The following NGLY1 variants were observed in gnomAD, a reference collection of about 807,000 sequenced individuals.
NGLY1 encodes the protein peptide-N(4)-(N-acetyl-beta-glucosaminyl)asparagine amidase.
A neutral mutation model predicts 84.6 loss-of-function variants in NGLY1; 68 were observed. That is an observed-to-expected ratio of 0.80 (90% CI 0.66 to 0.98). NGLY1 has a LOEUF of 0.98. Among genes scored for constraint, NGLY1 ranks in the 50% least tolerant of loss-of-function variants. The pLI, the probability that NGLY1 is intolerant of heterozygous loss-of-function variation, is 0.00. For missense variants in NGLY1, 779 were observed against 770.2 expected (o/e 1.01, Z -0.14); for synonymous variants, 280 against 275.2 (o/e 1.02, Z -0.17).
At chr3:25,754,970 G>A (rs760580143) in intron 3 of NGLY1, 3 of 765,974 alleles carry the variant, frequency 3.9e-6, no homozygotes, top group Admixed American at 3.5e-5. Context: ...TCCTAGGGAT[G>A]CCTTGGTGAT....
chr3:25,719,845 C>A (rs1704890515), intron 11 of NGLY1, among the ~76,000 whole-genome samples, 169 bp downstream of exon 11: 1 of 151,338 alleles, frequency 6.6e-6, no homozygotes, highest in Non-Finnish European at 1.5e-5. Context: ...AAAACATCAG[C>A]CTTTCTGTTA....
chr3:25,760,085 A>G (rs561980576), intron 3 of NGLY1, among the ~76,000 whole-genome samples: 19 of 152,258 alleles, frequency 1.2e-4, no homozygotes, highest in Non-Finnish European at 2.6e-4. Context: ...TGACTTCAAT[A>G]AACTTATTTA....
chr3:25,789,534 G>A (rs1708676530), intron 1 of NGLY1, among the ~76,000 whole-genome samples: 1 of 152,134 alleles, frequency 6.6e-6, no homozygotes, highest in Non-Finnish European at 1.5e-5. Context: ...ATACTGTTTT[G>A]TAACTATGTC....
rs1406103455 is a variant in NGLY1, at chr3:25,736,374, G to T, written c.1004-225C>A. Reference sequence around the variant, plus strand: ...TTTCCAATCTCCTTTAACGTGGTCAGTTTTAGGCTTAATGTGCGCTGTAAC... The same window carrying T: ...TTTCCAATCTCCTTTAACGTGGTCATTTTTAGGCTTAATGTGCGCTGTAAC... On this transcript the variant is annotated intron_variant, in intron 6 of 11. Transcript: ENST00000280700. 10 of 1,551,266 alleles carry T rather than the reference G, an allele frequency of 6.4e-6. No homozygotes were observed. The Admixed American group carries it at 1.8e-4, about 27-fold the overall frequency.
intron 1 of NGLY1, among the ~76,000 whole-genome samples, chr3:25,781,723 T>A (rs1485231803): frequency 6.6e-6 from 1 of 152,196 alleles, no homozygotes; most frequent in African/African-American, 2.4e-5. Context: ...AACGAGCCAT[T>A]AGTAAACATT....
At position 25,783,121 on chromosome 3, in the gene NGLY1, G is replaced by A. The variant is rs1708496732; in HGVS notation, c.131+139C>T. On this transcript the variant is annotated intron_variant, in intron 1 of 11. Transcript: ENST00000280700. The surrounding 1 kb of genome is among the most constrained non-coding windows in gnomAD (Gnocchi z 4.5). Reference sequence around the variant, plus strand: ...TGGCCGGCGGGCTCGGACGTTAGGAGCAGAACCAGCTCCAGGTCCCGGTCT... The same window carrying A: ...TGGCCGGCGGGCTCGGACGTTAGGAACAGAACCAGCTCCAGGTCCCGGTCT... 1 of 765,766 alleles carries A rather than the reference G, an allele frequency of 1.3e-6. No homozygotes were observed. Among genetic ancestry groups the A allele is most frequent in the African/African-American group, 1.9e-5 (1 of 53,712 alleles). The allele number at this position is 765,766 out of a possible 1,614,324, so 47.4% of individuals were successfully genotyped here. A position where few individuals can be genotyped will look rare whatever the true frequency, so the allele number is the denominator to read the frequency against.
intron 1 of NGLY1, among the ~76,000 whole-genome samples, chr3:25,780,063 A>G (rs1302250491): frequency 6.6e-6 from 1 of 152,260 alleles, no homozygotes; most frequent in Non-Finnish European, 1.5e-5. Context: ...GTATTTTACA[A>G]AAGTTATAGG....
At chr3:25,728,713 C>T (rs574860649) in intron 10 of NGLY1, among the ~76,000 whole-genome samples, 71 of 151,978 alleles carry the variant, frequency 4.7e-4, no homozygotes, top group Non-Finnish European at 9.4e-4. Flanking sequence ...AAACTTTGAA[C>T]TAAATCTATT....
At chr3:25,788,411 G>C (rs1708649009), upstream of NGLY1, among the ~76,000 whole-genome samples, 1 of 152,140 alleles carries the variant, frequency 6.6e-6, no homozygotes, top group African/African-American at 2.4e-5. Flanking sequence ...TTTGGTGCAA[G>C]AAGACACGAT....
Position 25,737,455 on chromosome 3 carries a change from T to G in NGLY1, c.882A>C (p.Arg294Ser). 1 of 1,594,926 alleles carries G rather than the reference T, an allele frequency of 6.3e-7. No homozygotes were observed. Among genetic ancestry groups the G allele is most frequent in the Non-Finnish European group, 8.5e-7 (1 of 1,171,020 alleles). ...DACQFSNRFP[R>S]YNNPEKLLET... ...CCAAAAGTTTCTCAGGGTTATTATA[T>G]CTGGTTTAAAAAGAAAAAAAACCTT... Residue 294 changes from arginine (R) to serine (S), a missense_variant and splice_region_variant, in exon 6 of 12, where the codon AGA becomes AGC. By Grantham distance (110) the Arg-to-Ser change is moderately radical (BLOSUM62 -1). Transcript: ENST00000280700.
chr3:25,754,983 C>G, intron 3 of NGLY1: 1 of 796,102 alleles, frequency 1.3e-6, no homozygotes, highest in Non-Finnish European at 2.3e-6. Flanking sequence ...TTGGTGATGG[C>G]ACAGATCTCG....
chr3:25,752,584 G>A (rs1706810866), intron 3 of NGLY1, among the ~76,000 whole-genome samples: 1 of 151,794 alleles, frequency 6.6e-6, no homozygotes, highest in South Asian at 2.1e-4. Context: ...CAAGGTGGAA[G>A]GATTACTTGA....
chr3:25,739,831 T>C (rs772455573), intron 4 of NGLY1, 32 bp from the exon 5 acceptor site: 1 of 1,516,330 alleles, frequency 6.6e-7, no homozygotes, highest in Non-Finnish European at 9.1e-7. Flanking sequence ...AAGTAAGAGC[T>C]AAAACTGACA....
intron 3 of NGLY1, among the ~76,000 whole-genome samples, chr3:25,753,507 G>A (rs1245543825): frequency 6.6e-6 from 1 of 152,038 alleles, no homozygotes; most frequent in East Asian, 1.9e-4. Context: ...GTTTCGATTG[G>A]TATAGATAAT....
At chr3:25,754,146 A>T (rs1336146765) in intron 3 of NGLY1, among the ~76,000 whole-genome samples, 1 of 149,476 alleles carries the variant, frequency 6.7e-6, no homozygotes, top group African/African-American at 2.6e-5. Context: ...AAATACTGAT[A>T]ATGTTCATTT....
chr3:25,741,511 T>A (rs1438014079), intron 4 of NGLY1, among the ~76,000 whole-genome samples: 1 of 152,046 alleles, frequency 6.6e-6, no homozygotes, highest in Non-Finnish European at 1.5e-5. Context: ...TAATAGAAGT[T>A]TATAGGTGAG....
At chr3:25,725,946 G>A (rs886370652) in intron 10 of NGLY1, among the ~76,000 whole-genome samples, 2 of 152,150 alleles carry the variant, frequency 1.3e-5, no homozygotes, top group African/African-American at 2.4e-5. Flanking sequence ...TTTACCAGCT[G>A]ATACGCACCT....
At chr3:25,750,120 G>A (rs1357933726) in intron 4 of NGLY1, among the ~76,000 whole-genome samples, 7 of 152,114 alleles carry the variant, frequency 4.6e-5, no homozygotes, top group Non-Finnish European at 8.8e-5. Context: ...ATGGCAGAAG[G>A]CACCTTTTCA....
intron 10 of NGLY1, among the ~76,000 whole-genome samples, chr3:25,727,274 A>G (rs1705311843): frequency 6.6e-6 from 1 of 152,242 alleles, no homozygotes; most frequent in South Asian, 2.1e-4. Flanking sequence ...TACCCTTCAT[A>G]AAAGTATATC....
Sources: gnomAD v4.1 joint callset for allele counts (sites outside exome capture counted in the v4.1 genomes callset) on GRCh38, gnomAD v4.1.1 for gene constraint, Gnocchi (gnomAD v3.1) non-coding constraint, MANE v1.5 for transcripts, NCBI Gene and HGNC (gene_info 2026-07-23, HGNC 2026-07-21) for gene names.